Variants in ETS1 observed in about 807,000 individuals in gnomAD.
ETS1 encodes ETS proto-oncogene 1, transcription factor.
Under a neutral mutation model 58.6 loss-of-function variants are expected in ETS1, and 15 were observed. The observed-to-expected ratio is 0.26, with a 90% confidence interval of 0.17 to 0.39. The LOEUF is 0.39. ETS1 is among the 10% of genes least tolerant of loss of function. The pLI is 1.00. For missense variants in ETS1, 417 were observed against 610.5 expected (o/e 0.68, Z 3.34); for synonymous variants, 214 against 218.2 (o/e 0.98, Z 0.17).
intron 3 of ETS1, among the ~76,000 whole-genome samples, chr11:128,492,326 G>A (rs569411468): frequency 8.0e-4 from 122 of 152,292 alleles, no homozygotes; most frequent in African/African-American, 2.8e-3. Flanking sequence ...TCTGAATGTC[G>A]AACTAAGTGG....
chr11:128,525,619 GAAAAAAAAAA>G (rs10554000), intron 3 of ETS1, among the ~76,000 whole-genome samples: 2 of 75,818 alleles, frequency 2.6e-5, no homozygotes, highest in African/African-American at 9.8e-5. Context: ...GTAAGATTTA[GAAAAAAAAAA>G]AAAAAAAAAA....
At chr11:128,473,776 C>T (rs1323976425) in intron 8 of ETS1, among the ~76,000 whole-genome samples, 1 of 152,178 alleles carries the variant, frequency 6.6e-6, no homozygotes, top group Non-Finnish European at 1.5e-5. Context: ...GCTGCTCACT[C>T]TCTGCAGCAG....
intron 1 of ETS1, among the ~76,000 whole-genome samples, chr11:128,585,050 AAGAAAG>A (rs1565421238): frequency 7.5e-5 from 2 of 26,592 alleles, no homozygotes; most frequent in African/African-American, 7.8e-4. Flanking sequence ...GAAAGAAAGA[AAGAAAG>A]AAAGAAAGAA....
intron 3 of ETS1, among the ~76,000 whole-genome samples, chr11:128,555,122 C>G (rs1270057154): frequency 6.6e-6 from 1 of 152,144 alleles, no homozygotes; most frequent in East Asian, 1.9e-4. Flanking sequence ...GAACATGGGA[C>G]ACAGGAATCT....
chr11:128,493,650 G>C (rs189689846), intron 3 of ETS1, among the ~76,000 whole-genome samples: 1 of 152,290 alleles, frequency 6.6e-6, no homozygotes, highest in African/African-American at 2.4e-5. Flanking sequence ...TGGAGCCAAA[G>C]GATTCAGATG....
At chr11:128,478,963 G>T (rs1472090870) in intron 8 of ETS1, among the ~76,000 whole-genome samples, 1 of 152,178 alleles carries the variant, frequency 6.6e-6, no homozygotes, top group Non-Finnish European at 1.5e-5. Context: ...TCCATTCCTG[G>T]CCTTGACCTT....
intron 3 of ETS1, among the ~76,000 whole-genome samples, chr11:128,499,872 G>C (rs1863041288): frequency 6.6e-6 from 1 of 152,062 alleles, no homozygotes; most frequent in South Asian, 2.1e-4. Context: ...ACGATGAGGA[G>C]TTTTCTCCAT....
chr11:128,488,759 C>T (rs1272322757), intron 5 of ETS1, among the ~76,000 whole-genome samples: 1 of 152,036 alleles, frequency 6.6e-6, no homozygotes, highest in Non-Finnish European at 1.5e-5. Flanking sequence ...CTGATATAAC[C>T]CCAGTTCCTG....
chr11:128,532,496 T>C (rs1179163223), intron 3 of ETS1, among the ~76,000 whole-genome samples: 4 of 152,220 alleles, frequency 2.6e-5, no homozygotes, highest in Non-Finnish European at 2.9e-5. Flanking sequence ...TGCTGTATCA[T>C]TGGGAAAGCA....
chr11:128,480,134 AC>A, intron 8 of ETS1, 56 bp downstream of exon 8: 1 of 1,594,984 alleles, frequency 6.3e-7, no homozygotes, highest in Middle Eastern at 2.0e-4. Flanking sequence ...GCCTTCCAGG[AC>A]CCCACCCACA....
chr11:128,489,065 T>G (rs940260765), intron 5 of ETS1, among the ~76,000 whole-genome samples: 47 of 152,298 alleles, frequency 3.1e-4, no homozygotes, highest in African/African-American at 1.1e-3. Context: ...ACAATCTTGC[T>G]GAAGATTAAT....
At chr11:128,548,407 G>A (rs999145980) in intron 3 of ETS1, among the ~76,000 whole-genome samples, 1 of 151,850 alleles carries the variant, frequency 6.6e-6, no homozygotes, top group Admixed American at 6.6e-5. Context: ...AGGAAACTGA[G>A]GCTCAGAGGG....
At chr11:128,512,036 T>C (rs1430600214) in intron 3 of ETS1, among the ~76,000 whole-genome samples, 2 of 152,330 alleles carry the variant, frequency 1.3e-5, no homozygotes, top group East Asian at 3.9e-4. Context: ...AAACGGACCT[T>C]AGTATTTCCC....
rs1173135176 is a variant in ETS1 at position 128,549,843 on chromosome 11, T to C, written c.214+6448A>G. On this transcript the variant is annotated intron_variant, in intron 3 of 9. Transcript: ENST00000392668. This position sits in a 1 kb window ranked among gnomAD's most constrained non-coding sequence, Gnocchi z 4.3. ...TTCTGGCCCTCACCAGGCTGGCCTC[T>C]CCTTTGGCTGGTGAAATGAGGCACA... is the stretch of plus-strand genomic sequence containing the variant. 6.6e-6 allele frequency among the ~76,000 whole-genome samples: 1 copy of C among 152,164 alleles called. No homozygotes were observed. The highest frequency in any genetic ancestry group is 6.5e-5 in the Admixed American group (1 of 15,276).
chr11:128,529,838 T>C (rs1863866828), intron 3 of ETS1, among the ~76,000 whole-genome samples: 1 of 152,176 alleles, frequency 6.6e-6, no homozygotes, highest in South Asian at 2.1e-4. Context: ...AGTGTCATAA[T>C]GAATTAATAT....
At position 128,543,688 on chromosome 11, in the gene ETS1, C is replaced by CCCTTAAGTT. The variant is rs549864591; in HGVS notation, c.214+12594_214+12602dup. Among the ~76,000 whole-genome samples, 3 of 152,284 alleles carry CCCTTAAGTT rather than the reference C, an allele frequency of 2.0e-5. No individual in the cohort carries two copies. In the East Asian group the frequency reaches 5.8e-4, roughly 29 times the overall value. On this transcript the variant is annotated intron_variant, in intron 3 of 9. Transcript: ENST00000392668. Reference sequence around the variant, plus strand: ...CCACTCAATAATTTCCTAAAGCATTCCCTTAAGTTCCTTAAGTTCCCTTAA... The same window carrying CCCTTAAGTT: ...CCACTCAATAATTTCCTAAAGCATTCCCTTAAGTTCCTTAAGTTCCTTAAGTTCCCTTAA...
chr11:128,467,531 C>T (rs1862071541), intron 8 of ETS1, among the ~76,000 whole-genome samples: 1 of 152,188 alleles, frequency 6.6e-6, no homozygotes, highest in Non-Finnish European at 1.5e-5. Flanking sequence ...AAGCCTCTTC[C>T]TCCATTCCCC....
At chr11:128,566,522 A>G (rs4937349) in intron 2 of ETS1, among the ~76,000 whole-genome samples, 67,811 of 152,002 alleles carry the variant, frequency 0.45, 15,413 homozygotes, top group East Asian at 0.59. Flanking sequence ...AGTGGCTCAC[A>G]CCTGTAATCC....
At chr11:128,492,734 C>T (rs1026302397) in intron 3 of ETS1, among the ~76,000 whole-genome samples, 4 of 152,184 alleles carry the variant, frequency 2.6e-5, no homozygotes, top group African/African-American at 9.7e-5. Flanking sequence ...CCCCACTCTA[C>T]ACCTCCAAGA....
Sources: gnomAD v4.1 joint callset for allele counts (sites outside exome capture counted in the v4.1 genomes callset) on GRCh38, gnomAD v4.1.1 for gene constraint, Gnocchi (gnomAD v3.1) non-coding constraint, MANE v1.5 for transcripts, NCBI Gene and HGNC (gene_info 2026-07-23, HGNC 2026-07-21) for gene names.